Variants in TGM5 observed in about 807,000 individuals in gnomAD.
TGM5 encodes protein-glutamine gamma-glutamyltransferase 5.
A neutral mutation model predicts 77.2 loss-of-function variants in TGM5; 69 were observed. That is an observed-to-expected ratio of 0.89 (90% CI 0.74 to 1.09). The LOEUF is 1.09. Among genes scored for constraint, TGM5 ranks in the 50% least tolerant of loss-of-function variants. The pLI is 0.00. For synonymous variants in TGM5, 346 were observed against 351.8 expected (o/e 0.98, Z 0.18); for missense variants, 842 against 896.5 (o/e 0.94, Z 0.78).
intron 4 of TGM5, among the ~76,000 whole-genome samples, chr15:43,254,600 C>T (rs1272907284): frequency 6.6e-6 from 1 of 152,184 alleles, no homozygotes; most frequent in Non-Finnish European, 1.5e-5. Flanking sequence ...CCTCCCAGAT[C>T]TGGCCCCAAC....
Position 43,240,947 on chromosome 15 carries a change from G to A in TGM5, c.906C>T (p.Phe302=), listed in dbSNP as rs1312615159. Reference sequence around the variant, plus strand: ...TTCCATCTGTATCGTGGCCAGAGTCGAAGTTGGTGATCACACGGGTAGGGA... The same window carrying A: ...TTCCATCTGTATCGTGGCCAGAGTCAAAGTTGGTGATCACACGGGTAGGGA... ...LGIPTRVITN[F]DSGHDTDGNL... The change falls in exon 7 of 13, where the codon TTC becomes TTT. Residue 302 remains phenylalanine (F), a synonymous_variant. Transcript: ENST00000220420. 7.4e-6 allele frequency: 12 copies of A among 1,614,132 alleles called. No homozygotes were observed. The highest frequency in any genetic ancestry group is 1.1e-5 in the South Asian group (1 of 91,082).
Position 43,233,553 on chromosome 15 carries a change from C to T in TGM5, c.2009+1G>A, listed in dbSNP as rs375938677. 4.6e-5 allele frequency: 74 copies of T among 1,614,070 alleles called. No individual in the cohort carries two copies. Among genetic ancestry groups the T allele is most frequent in the Non-Finnish European group, 5.1e-5 (60 of 1,180,040 alleles). ...GAAGGCTGAGCACTTGCAGCACTTA[C>T]AAGACTTTCTGCTGTTTCTTGAAGA... On this transcript the variant is annotated splice_donor_variant, in intron 12 of 12. Coordinates refer to ENST00000220420, the MANE Select transcript of TGM5 (RefSeq NM_201631.4). LOFTEE classifies it high-confidence loss of function.
chr15:43,251,879 A>G (rs550265736), intron 6 of TGM5, among the ~76,000 whole-genome samples: 22 of 152,236 alleles, frequency 1.4e-4, no homozygotes, highest in African/African-American at 4.6e-4. Context: ...TGTAGTATCC[A>G]TTCCTTATCT....
intron 6 of TGM5, among the ~76,000 whole-genome samples, chr15:43,243,279 A>G (rs1211856597): frequency 2.6e-5 from 4 of 152,310 alleles, no homozygotes; most frequent in South Asian, 2.1e-4. Flanking sequence ...TCTTTGCTGG[A>G]TGGATGGATG....
At chr15:43,265,316 C>T (rs2042816927) in intron 1 of TGM5, among the ~76,000 whole-genome samples, 1 of 152,250 alleles carries the variant, frequency 6.6e-6, no homozygotes, top group African/African-American at 2.4e-5. Context: ...TCCACACCCA[C>T]TGCCAGCTAA....
chr15:43,260,794 C>A (rs1461117595), intron 1 of TGM5: 4 of 644,960 alleles, frequency 6.2e-6, no homozygotes, highest in Non-Finnish European at 1.1e-5. Context: ...TTTTTCCTTC[C>A]TCTCCTATCT....
At chr15:43,245,126 G>A (rs1196070494) in intron 6 of TGM5, among the ~76,000 whole-genome samples, 2 of 151,848 alleles carry the variant, frequency 1.3e-5, no homozygotes, top group Admixed American at 6.6e-5. Flanking sequence ...AGGACTGGCT[G>A]TAAAGCTCTT....
At position 43,238,848 on chromosome 15, in the gene TGM5, A is replaced by G. The variant is rs767231325; in HGVS notation, c.1314T>C (p.Asp438=). 6.2e-7 allele frequency: 1 copy of G among 1,614,094 alleles called. No homozygotes were observed. Among genetic ancestry groups the G allele is most frequent in the Admixed American group, 1.7e-5 (1 of 60,014 alleles). The change falls in exon 9 of 13, where the codon GAT becomes GAC. Residue 438 remains aspartate (D), a synonymous_variant. Coordinates refer to ENST00000220420, the MANE Select transcript of TGM5 (RefSeq NM_201631.4). Reference sequence around the variant, plus strand: ...CATACTTGTAGTTCTCTGTGATGTCATCCCGCTCGTCACTCTGGATGCTCT... The same window carrying G: ...CATACTTGTAGTTCTCTGTGATGTCGTCCCGCTCGTCACTCTGGATGCTCT... The part of the protein sequence containing the change: ...STKSIQSDER[D]DITENYKYEE...
At chr15:43,236,693 G>A (rs2042592717) in intron 9 of TGM5, among the ~76,000 whole-genome samples, 1 of 151,970 alleles carries the variant, frequency 6.6e-6, no homozygotes, top group Non-Finnish European at 1.5e-5. Context: ...CAGGCTGAGG[G>A]CAGTGGCTCA....
At chr15:43,241,153 C>A in intron 6 of TGM5, 163 bp from the exon 7 acceptor site, 2 of 938,922 alleles carry the variant, frequency 2.1e-6, no homozygotes, top group South Asian at 1.5e-5. Flanking sequence ...AACTTCCTTC[C>A]CCACTTCTGG....
Position 43,234,773 on chromosome 15 carries a change from A to G in TGM5, c.1871T>C (p.Ile624Thr). ...IITLSYPSIT[I>T]NVLGAAVVNQ... ...ATTTGCAGGACTCCTGCCTACATTA[A>G]TCGTGATGCTTGGATAAGATAAGGT... Residue 624 changes from isoleucine to threonine, a missense_variant, in exon 11 of 13, where the codon ATT becomes ACT. Ile to Thr is a moderately conservative substitution (Grantham distance 89). Transcript: ENST00000220420. The G allele has an allele frequency of 1.2e-6, 2 of 1,614,168 alleles. No homozygotes were observed. The highest frequency in any genetic ancestry group is 1.7e-6 in the Non-Finnish European group (2 of 1,180,008).
rs2042564935 is a variant in TGM5, at chr15:43,233,670, A to G, written c.1893T>C (p.Val631=). The change falls in exon 12 of 13, where the codon GTT becomes GTC. Residue 631 remains valine (V), a synonymous_variant. Transcript: ENST00000220420. The part of the protein sequence containing the change: ...SITINVLGAA[V]VNQPLSIQVI... ...CCTGTATGGAGAGTGGCTGGTTCAC[A>G]ACGGCTGCTCCTAGAACCTAAACAG... is the stretch of plus-strand genomic sequence containing the variant. 8 of 1,614,038 alleles carry G rather than the reference A, an allele frequency of 5.0e-6. No individual in the cohort carries two copies. The highest frequency in any genetic ancestry group is 5.9e-6 in the Non-Finnish European group (7 of 1,180,024).
At chr15:43,251,938 GTCAGGCTA>G (rs1370367316) in intron 6 of TGM5, among the ~76,000 whole-genome samples, 1 of 152,176 alleles carries the variant, frequency 6.6e-6, no homozygotes, top group Non-Finnish European at 1.5e-5. Context: ...TCTGGCCAGA[GTCAGGCTA>G]TCAGGCCCTC....
intron 4 of TGM5, among the ~76,000 whole-genome samples, chr15:43,255,695 G>A (rs2042737637): frequency 6.6e-6 from 1 of 152,072 alleles, no homozygotes; most frequent in Non-Finnish European, 1.5e-5. Flanking sequence ...GAGGCTGAGG[G>A]CTGATCCTCT....
At position 43,238,798 on chromosome 15, in the gene TGM5, G is replaced by C; in HGVS notation, c.1345+19C>G. On this transcript the variant is annotated intron_variant, in intron 9 of 12. Transcript: ENST00000220420. ...CCTGCAGGGCTGGGGCTCTGAGTAG[G>C]GCTGGCTTGCTTACTTACCTTCTTC... is the stretch of plus-strand genomic sequence containing the variant. The C allele has an allele frequency of 6.2e-7, 1 of 1,613,158 alleles. No individual in the cohort carries two copies. The highest frequency in any genetic ancestry group is 1.3e-5 in the African/African-American group (1 of 74,968).
rs758505358 is a variant in TGM5 at position 43,238,857 on chromosome 15, GT to G, written c.1304del (p.Asp435AlafsTer24). The G allele has an allele frequency of 9.9e-6, 16 of 1,614,166 alleles. No individual in the cohort carries two copies. The highest frequency in any genetic ancestry group is 1.3e-5 in the African/African-American group (1 of 75,032). On this transcript the variant is annotated frameshift_variant, in exon 9 of 13. Coordinates refer to ENST00000220420, the MANE Select transcript of TGM5 (RefSeq NM_201631.4). LOFTEE classifies it high-confidence loss of function. ...AGTTCTCTGTGATGTCATCCCGCTC[GT>G]CACTCTGGATGCTCTTTGTGCTGAT... The part of the protein sequence containing the change: ...NFISTKSIQS[D>X]ERDDITENYK...
chr15:43,244,453 G>A (rs951348428), intron 6 of TGM5, among the ~76,000 whole-genome samples: 7 of 152,156 alleles, frequency 4.6e-5, no homozygotes, highest in African/African-American at 9.7e-5. Flanking sequence ...TGAGTCCCTC[G>A]TGAAAGAGAA....
chr15:43,262,221 G>C (rs926867451), intron 1 of TGM5, among the ~76,000 whole-genome samples: 1 of 152,096 alleles, frequency 6.6e-6, no homozygotes, highest in African/African-American at 2.4e-5. Context: ...TACCTGAATC[G>C]CTCATCTGCT....
chr15:43,258,873 G>T (rs1457928671), intron 3 of TGM5, among the ~76,000 whole-genome samples: 2 of 152,114 alleles, frequency 1.3e-5, no homozygotes, highest in African/African-American at 4.8e-5. Flanking sequence ...GAGAGAGAGA[G>T]ATACGAGACA....
Sources: gnomAD v4.1 joint callset for allele counts (sites outside exome capture counted in the v4.1 genomes callset) on GRCh38, gnomAD v4.1.1 for gene constraint, MANE v1.5 for transcripts, NCBI Gene and HGNC (gene_info 2026-07-23, HGNC 2026-07-21) for gene names.